AGBL4: variants seen among roughly 807,000 people sequenced by gnomAD.
The protein encoded by AGBL4 is cytosolic carboxypeptidase 6.
AGBL4 carries 58 observed loss-of-function variants against 66.4 expected under a neutral mutation model. The observed-to-expected ratio is 0.87, with a 90% CI of 0.71 to 1.09. The LOEUF (loss-of-function observed/expected upper bound fraction) is 1.09, where lower values mean the gene tolerates loss of function less well. Among genes scored for constraint, AGBL4 ranks in the 50% least tolerant of loss-of-function variants. AGBL4 has a pLI of 0.00. For synonymous variants in AGBL4, 234 were observed against 222.9 expected, an observed-to-expected ratio of 1.05 and a Z score of -0.44; for missense variants, 579 against 631.0, an observed-to-expected ratio of 0.92 and a Z score of 0.88.
intron 3 of AGBL4, among the ~76,000 whole-genome samples, chr1:49,478,029 T>A (rs914411853): frequency 5.3e-5 from 8 of 151,030 alleles, no homozygotes; most frequent in Non-Finnish European, 8.9e-5. Context: ...TGAGAAAAAA[T>A]TTTAAAAAAG....
At chr1:49,472,749 C>T (rs1419300528) in intron 3 of AGBL4, among the ~76,000 whole-genome samples, 1 of 151,950 alleles carries the variant, frequency 6.6e-6, no homozygotes, top group Non-Finnish European at 1.5e-5. Flanking sequence ...TATTGGGTTT[C>T]TAACAATTCT....
intron 2 of AGBL4, among the ~76,000 whole-genome samples, chr1:49,822,627 G>A (rs548801666): frequency 6.6e-5 from 10 of 152,082 alleles, no homozygotes; most frequent in Non-Finnish European, 1.3e-4. Flanking sequence ...AAGCCTTTCT[G>A]TCCTCCAATC....
intron 9 of AGBL4, among the ~76,000 whole-genome samples, chr1:48,625,659 A>C: frequency 6.6e-6 from 1 of 152,164 alleles, no homozygotes; most frequent in East Asian, 1.9e-4. Context: ...AGGCATAGAG[A>C]GTGTAATGGG....
intron 4 of AGBL4, among the ~76,000 whole-genome samples, chr1:49,170,448 T>A (rs1006146164): frequency 2.8e-5 from 4 of 142,926 alleles, no homozygotes; most frequent in African/African-American, 7.6e-5. Context: ...ATATATATGT[T>A]TATATAATAT....
chr1:49,282,490 C>A (rs1293552161), intron 3 of AGBL4, among the ~76,000 whole-genome samples: 1 of 152,090 alleles, frequency 6.6e-6, no homozygotes, highest in Non-Finnish European at 1.5e-5. Flanking sequence ...GGAGAACTAA[C>A]AAAATATTAA....
chr1:49,681,774 A>ATGGGGG (rs1646698804), intron 3 of AGBL4, among the ~76,000 whole-genome samples: 1 of 152,194 alleles, frequency 6.6e-6, no homozygotes, highest in Admixed American at 6.5e-5. Context: ...TTCTACAATA[A>ATGGGGG]TCTATATACA....
chr1:49,704,014 C>T (rs1020692476), intron 2 of AGBL4, among the ~76,000 whole-genome samples: 9 of 152,024 alleles, frequency 5.9e-5, no homozygotes. Flanking sequence ...AGAAATAAAT[C>T]TAACCAAAGA....
At chr1:49,954,528 C>A (rs1181763008) in intron 1 of AGBL4, among the ~76,000 whole-genome samples, 1 of 152,010 alleles carries the variant, frequency 6.6e-6, no homozygotes, top group Non-Finnish European at 1.5e-5. Flanking sequence ...ATGCTGGTCC[C>A]TCCATCTTGT....
intron 8 of AGBL4, among the ~76,000 whole-genome samples, chr1:48,650,147 C>T (rs1645903315): frequency 3.9e-5 from 6 of 152,208 alleles, no homozygotes. Flanking sequence ...CTCCCAGGGT[C>T]TGGCAGGCTT....
intron 3 of AGBL4, among the ~76,000 whole-genome samples, chr1:49,315,470 G>A (rs1020732162): frequency 6.6e-6 from 1 of 151,858 alleles, no homozygotes. Context: ...CTACAGAATG[G>A]GAGAAAATTT....
chr1:49,128,215 C>A (rs186721212), intron 4 of AGBL4, among the ~76,000 whole-genome samples: 1 of 152,034 alleles, frequency 6.6e-6, no homozygotes, highest in Admixed American at 6.6e-5. Context: ...AGATTAGACA[C>A]TGCAGAAGTA....
intron 5 of AGBL4, among the ~76,000 whole-genome samples, chr1:48,935,981 A>G (rs1196146129): frequency 1.3e-4 from 17 of 133,322 alleles, no homozygotes; most frequent in African/African-American, 4.5e-4. Flanking sequence ...AAAAAAAAAA[A>G]AAAAAAAAAA....
intron 3 of AGBL4, among the ~76,000 whole-genome samples, chr1:49,371,113 C>T (rs902030723): frequency 1.3e-5 from 2 of 152,154 alleles, no homozygotes; most frequent in Admixed American, 6.5e-5. Flanking sequence ...AGGCTACTGG[C>T]CTTCAAAATG....
At chr1:49,950,302 T>C (rs1423061550) in intron 1 of AGBL4, among the ~76,000 whole-genome samples, 1 of 150,924 alleles carries the variant, frequency 6.6e-6, no homozygotes. Context: ...AACTCAAGAA[T>C]GAAAAACCAA....
intron 1 of AGBL4, among the ~76,000 whole-genome samples, chr1:49,854,312 G>A (rs1333970305): frequency 2.0e-5 from 3 of 151,962 alleles, no homozygotes; most frequent in African/African-American, 7.2e-5. Context: ...TCTGAGGCAT[G>A]AAAGGAGAGA....
intron 3 of AGBL4, among the ~76,000 whole-genome samples, chr1:49,562,857 C>T (rs1363023824): frequency 2.3e-4 from 35 of 151,782 alleles, no homozygotes; most frequent in South Asian, 2.1e-4. Context: ...AAGTCATTGG[C>T]AGCTTGATGG....
intron 2 of AGBL4, among the ~76,000 whole-genome samples, chr1:49,817,479 G>A (rs1280444375): frequency 6.6e-6 from 1 of 151,938 alleles, no homozygotes; most frequent in African/African-American, 2.4e-5. Flanking sequence ...AAGATTTTAG[G>A]GGTTTTTAAT....
intron 4 of AGBL4, among the ~76,000 whole-genome samples, chr1:49,141,146 A>G (rs1349912050): frequency 2.0e-5 from 3 of 152,232 alleles, no homozygotes; most frequent in Admixed American, 2.0e-4. Flanking sequence ...TCAGTGTAAC[A>G]AACATTGCAA....
intron 4 of AGBL4, among the ~76,000 whole-genome samples, chr1:49,098,825 T>C (rs551386422): frequency 6.6e-6 from 1 of 152,366 alleles, no homozygotes; most frequent in African/African-American, 2.4e-5. Context: ...CATGTGATTT[T>C]AGGCATTCAC....
Sources: gnomAD v4.1 joint callset for allele counts (sites outside exome capture counted in the v4.1 genomes callset) on GRCh38, gnomAD v4.1.1 for gene constraint, MANE v1.5 for transcripts, NCBI Gene and HGNC (gene_info 2026-07-23, HGNC 2026-07-21) for gene names.